The following ATG7 variants were observed in gnomAD, a reference collection of about 807,000 sequenced individuals.
The protein encoded by ATG7 is ubiquitin-like modifier-activating enzyme ATG7.
A neutral mutation model predicts 82.4 loss-of-function variants in ATG7; 70 were observed. That is an observed-to-expected ratio of 0.85 (90% CI 0.70 to 1.04). The LOEUF (loss-of-function observed/expected upper bound fraction) is 1.04, where lower values mean the gene tolerates loss of function less well. ATG7 is among the 50% of genes least tolerant of loss of function. The pLI, the probability that ATG7 is intolerant of heterozygous loss-of-function variation, is 0.00. For synonymous variants in ATG7, 287 were observed against 313.0 expected, an observed-to-expected ratio of 0.92 and a Z score of 0.88; for missense variants, 792 against 864.3, an observed-to-expected ratio of 0.92 and a Z score of 1.05.
intron 20 of ATG7, among the ~76,000 whole-genome samples, chr3:11,489,953 A>G (rs370002195): frequency 2.0e-5 from 3 of 151,670 alleles, no homozygotes; most frequent in Non-Finnish European, 4.4e-5. Flanking sequence ...TGTATATTCT[A>G]TTGATTTGGG....
At chr3:11,478,833 C>T (rs1290778628) in intron 20 of ATG7, among the ~76,000 whole-genome samples, 1 of 152,022 alleles carries the variant, frequency 6.6e-6, no homozygotes, top group African/African-American at 2.4e-5. Flanking sequence ...AAGTTATTCT[C>T]AACTTCCTGT....
intron 20 of ATG7, chr3:11,510,282 A>C: frequency 2.2e-6 from 1 of 456,424 alleles, no homozygotes; most frequent in Non-Finnish European, 4.4e-6. Context: ...ATAGATCTCT[A>C]CCAGCTCTCA....
chr3:11,532,314 C>G (rs910633305), intron 20 of ATG7, among the ~76,000 whole-genome samples: 1 of 152,104 alleles, frequency 6.6e-6, no homozygotes, highest in Admixed American at 6.6e-5. Context: ...AGGGACAAAC[C>G]GGAAGTGTTG....
At chr3:11,540,919 G>GC in intron 20 of ATG7, among the ~76,000 whole-genome samples, 1 of 126,210 alleles carries the variant, frequency 7.9e-6, no homozygotes, top group African/African-American at 2.9e-5. Context: ...GGGGGGGGAG[G>GC]GGGGGAGTCT....
At chr3:11,438,567 A>G (rs906384304) in intron 20 of ATG7, among the ~76,000 whole-genome samples, 5 of 138,588 alleles carry the variant, frequency 3.6e-5, no homozygotes, top group African/African-American at 1.4e-4. Flanking sequence ...CCTTGTCTTA[A>G]CTAAAACAAA....
At position 11,555,220 on chromosome 3, in the gene ATG7, CACTGCGGGAGGTGG is replaced by C. The variant is rs1455396465; in HGVS notation, c.*378_*391del. On this transcript the variant is annotated 3_prime_UTR_variant, in exon 21 of 21. Coordinates refer to ENST00000693202, the MANE Select transcript of ATG7 (RefSeq NM_001349232.2). ...TGAGCAACCAGCTCCTGCCCAGAGC[CACTGCGGGAGGTGG>C]CACCCTCATCCCCGGAATGTGCTGC... The C allele has an allele frequency of 4.6e-6, 1 of 216,390 alleles. No homozygotes were observed. Among genetic ancestry groups the C allele is most frequent in the Non-Finnish European group, 9.1e-6 (1 of 110,454 alleles). The allele number at this position is 216,390 out of a possible 1,614,324, so 13.4% of individuals were successfully genotyped here.
At chr3:11,525,556 C>CTTT (rs58430409) in intron 20 of ATG7, among the ~76,000 whole-genome samples, 2 of 123,674 alleles carry the variant, frequency 1.6e-5, no homozygotes, top group East Asian at 4.6e-4. Context: ...TAGTTATAGC[C>CTTT]TTTTTTTTTT....
intron 20 of ATG7, among the ~76,000 whole-genome samples, chr3:11,471,925 A>T (rs2087590275): frequency 6.6e-6 from 1 of 151,524 alleles, no homozygotes; most frequent in East Asian, 1.9e-4. Flanking sequence ...TTTAGTAGAG[A>T]TGGGGTTTCA....
chr3:11,534,512 C>T (rs888239755), intron 20 of ATG7, among the ~76,000 whole-genome samples: 1 of 152,234 alleles, frequency 6.6e-6, no homozygotes, highest in Non-Finnish European at 1.5e-5. Flanking sequence ...AGAGCCAAGG[C>T]GGTCTGGAAC....
At chr3:11,340,264 A>G (rs898428149) in intron 11 of ATG7, among the ~76,000 whole-genome samples, 1 of 152,100 alleles carries the variant, frequency 6.6e-6, no homozygotes, top group South Asian at 2.1e-4. Flanking sequence ...TGGCTTGCTT[A>G]GATAGAGAAG....
intron 20 of ATG7, among the ~76,000 whole-genome samples, chr3:11,537,308 C>G (rs1382294991): frequency 6.6e-6 from 1 of 152,106 alleles, no homozygotes; most frequent in Non-Finnish European, 1.5e-5. Flanking sequence ...ACCTCTCACC[C>G]CATTTTTTTC....
chr3:11,439,732 G>C (rs529168419), intron 20 of ATG7, among the ~76,000 whole-genome samples: 2 of 152,200 alleles, frequency 1.3e-5, no homozygotes, highest in Admixed American at 6.5e-5. Context: ...CGTCTTGAAG[G>C]TTGGAGCTCC....
intron 18 of ATG7, among the ~76,000 whole-genome samples, chr3:11,375,218 A>T (rs1444495864): frequency 3.3e-5 from 5 of 152,152 alleles, no homozygotes; most frequent in African/African-American, 1.2e-4. Context: ...AAAACAAACA[A>T]ATGAACAAAA....
At chr3:11,561,665 C>T (rs927385981), downstream of ATG7, among the ~76,000 whole-genome samples, 4 of 152,134 alleles carry the variant, frequency 2.6e-5, no homozygotes, top group African/African-American at 9.7e-5. Flanking sequence ...CCGAGGCTCC[C>T]CTCCCCCACA....
At chr3:11,575,348 T>C in the ATG7 span, among the ~76,000 whole-genome samples, 1 of 152,044 alleles carries the variant, frequency 6.6e-6, no homozygotes, top group African/African-American at 2.4e-5. Flanking sequence ...CTCTCAAGAG[T>C]GACAGTCATT....
intron 20 of ATG7, among the ~76,000 whole-genome samples, chr3:11,448,949 C>G (rs2084843667): frequency 6.6e-6 from 1 of 152,150 alleles, no homozygotes; most frequent in Non-Finnish European, 1.5e-5. Context: ...TCTGTGGAAC[C>G]TAAAAGAAAC....
At chr3:11,279,670 G>A (rs968245464) in intron 1 of ATG7, among the ~76,000 whole-genome samples, 2 of 152,050 alleles carry the variant, frequency 1.3e-5, no homozygotes, top group African/African-American at 2.4e-5. Flanking sequence ...GGGTGACAGA[G>A]CAAGACTCTG....
chr3:11,478,437 C>A (rs773650273), intron 20 of ATG7, among the ~76,000 whole-genome samples: 1 of 152,120 alleles, frequency 6.6e-6, no homozygotes, highest in African/African-American at 2.4e-5. Context: ...ATGAGACTGG[C>A]GCATATTAAA....
chr3:11,426,247 T>C (rs2082352940), intron 19 of ATG7, among the ~76,000 whole-genome samples: 1 of 152,206 alleles, frequency 6.6e-6, no homozygotes, highest in Non-Finnish European at 1.5e-5. Flanking sequence ...CAAAGTAGTG[T>C]TTCATTGTGG....
Sources: allele counts gnomAD v4.1 joint callset (sites outside exome capture counted in the v4.1 genomes callset), GRCh38; gene constraint gnomAD v4.1.1; transcripts MANE v1.5; gene names NCBI Gene and HGNC (gene_info 2026-07-23, HGNC 2026-07-21).